Variants in CPLX2 observed in about 807,000 individuals in gnomAD.
CPLX2 encodes complexin 2, also known as complexin-2.
In CPLX2, 5 loss-of-function variants were observed where a neutral mutation model predicts 16.3. The ratio of observed to expected loss-of-function variants is 0.31; its 90% CI spans 0.16 to 0.64. The LOEUF is 0.64. CPLX2 is among the 30% of genes least tolerant of loss of function. CPLX2 has a pLI of 0.79. For missense variants in CPLX2, 144 were observed against 181.4 expected, an observed-to-expected ratio of 0.79 and a Z score of 1.18; for synonymous variants, 89 against 73.2, an observed-to-expected ratio of 1.22 and a Z score of -1.10.
upstream of CPLX2, among the ~76,000 whole-genome samples, chr5:175,868,589 G>A (rs1759521272): frequency 6.6e-6 from 1 of 152,124 alleles, no homozygotes; most frequent in African/African-American, 2.4e-5. Flanking sequence ...AAGAACCTGC[G>A]GCTGGGCCTG....
At chr5:175,823,129 A>G (rs533164267) in intron 2 of CPLX2, among the ~76,000 whole-genome samples, 1 of 152,154 alleles carries the variant, frequency 6.6e-6, no homozygotes, top group Middle Eastern at 3.4e-3. Context: ...CTATTATCAT[A>G]TTTTTCGTGT....
At chr5:175,820,694 C>T (rs148260655) in intron 2 of CPLX2, among the ~76,000 whole-genome samples, 10 of 152,340 alleles carry the variant, frequency 6.6e-5, no homozygotes, top group Non-Finnish European at 1.3e-4. Context: ...CTGTCTCACC[C>T]GCCCTGTCCT....
intron 2 of CPLX2, among the ~76,000 whole-genome samples, chr5:175,859,075 A>G (rs1759314430): frequency 6.6e-6 from 1 of 152,202 alleles, no homozygotes; most frequent in African/African-American, 2.4e-5. Context: ...TCCTCCAACT[A>G]CAGCCTGGCA....
intron 2 of CPLX2, among the ~76,000 whole-genome samples, chr5:175,839,302 T>C (rs1758904167): frequency 2.0e-5 from 3 of 152,202 alleles, no homozygotes; most frequent in Non-Finnish European, 2.9e-5. Context: ...GTTTGTTTTT[T>C]TGAGAAGGAG....
intron 1 of CPLX2, among the ~76,000 whole-genome samples, chr5:175,807,614 G>A (rs553268957): frequency 1.3e-5 from 2 of 152,366 alleles, no homozygotes; most frequent in Admixed American, 1.3e-4. Flanking sequence ...CCTGAGAGCA[G>A]GGATCATGCC....
At chr5:175,874,639 C>T (rs1445962933) in intron 1 of CPLX2, among the ~76,000 whole-genome samples, 4 of 151,924 alleles carry the variant, frequency 2.6e-5, no homozygotes, top group Non-Finnish European at 5.9e-5. Flanking sequence ...CAGGATGAGA[C>T]TGATCTTTGG....
intron 2 of CPLX2, among the ~76,000 whole-genome samples, chr5:175,816,919 C>T (rs1000967926): frequency 3.3e-5 from 5 of 152,224 alleles, no homozygotes; most frequent in African/African-American, 1.2e-4. Flanking sequence ...AAATAGAGGT[C>T]AAATGCCAAT....
chr5:175,829,882 G>T (rs2113656006), intron 2 of CPLX2, among the ~76,000 whole-genome samples: 1 of 152,322 alleles, frequency 6.6e-6, no homozygotes, highest in East Asian at 1.9e-4. Flanking sequence ...GAATTCACAA[G>T]GATGCGGGGT....
intron 2 of CPLX2, among the ~76,000 whole-genome samples, chr5:175,813,487 AAAAAC>A (rs1200198564): frequency 6.6e-6 from 1 of 152,338 alleles, no homozygotes; most frequent in African/African-American, 2.4e-5. Flanking sequence ...ACCATGCTCA[AAAAAC>A]AAAACAAAAC....
chr5:175,802,743 C>A (rs1758122968), intron 1 of CPLX2, among the ~76,000 whole-genome samples: 1 of 152,226 alleles, frequency 6.6e-6, no homozygotes, highest in South Asian at 2.1e-4. Context: ...GGGGGTAATA[C>A]CGCCAGGGCC....
intron 1 of CPLX2, among the ~76,000 whole-genome samples, chr5:175,802,438 G>A (rs185482037): frequency 4.6e-5 from 7 of 152,322 alleles, no homozygotes; most frequent in South Asian, 2.1e-4. Context: ...TTGCCAATGC[G>A]GAGAAAATGT....
chr5:175,858,032 T>C (rs555058429), intron 2 of CPLX2, among the ~76,000 whole-genome samples: 1 of 152,184 alleles, frequency 6.6e-6, no homozygotes, highest in African/African-American at 2.4e-5. Context: ...AGTGTCAACA[T>C]CCCACTTTGC....
upstream of CPLX2, among the ~76,000 whole-genome samples, chr5:175,870,754 A>G (rs1286628481): frequency 6.6e-6 from 1 of 152,140 alleles, no homozygotes; most frequent in Non-Finnish European, 1.5e-5. Context: ...TCTAGAATAA[A>G]TTTTGCCAGA....
At chr5:175,860,671 G>A (rs934581155) in intron 2 of CPLX2, among the ~76,000 whole-genome samples, 20 of 151,506 alleles carry the variant, frequency 1.3e-4, no homozygotes, top group Non-Finnish European at 2.5e-4. Flanking sequence ...TCCAGCTAAA[G>A]TCCCAGGGCT....
chr5:175,796,803 C>T (rs1169173717), intron 1 of CPLX2: 2 of 152,360 alleles, frequency 1.3e-5, no homozygotes, highest in African/African-American at 4.8e-5. Context: ...AACGCGCGCT[C>T]GCTCCCTGTG....
chr5:175,834,150 T>C (rs563214413), intron 2 of CPLX2, among the ~76,000 whole-genome samples: 25 of 152,362 alleles, frequency 1.6e-4, no homozygotes, highest in Admixed American at 7.8e-4. Flanking sequence ...CTGCCACTGA[T>C]GTAGCTTGGC....
intron 2 of CPLX2, among the ~76,000 whole-genome samples, chr5:175,846,995 C>T (rs898703747): frequency 3.3e-5 from 5 of 152,272 alleles, no homozygotes; most frequent in African/African-American, 1.2e-4. Flanking sequence ...ATATGTAGTG[C>T]AGGGAGGCTA....
upstream of CPLX2, among the ~76,000 whole-genome samples, chr5:175,871,261 C>T (rs1465122304): frequency 7.0e-6 from 1 of 142,756 alleles, no homozygotes; most frequent in African/African-American, 2.6e-5. Flanking sequence ...GGGGCGTCTG[C>T]GAGGGGGAGG....
chr5:175,879,756 G>A (rs1438941109), intron 3 of CPLX2, 92 bp from the exon 4 acceptor site: 2 of 1,247,686 alleles, frequency 1.6e-6, no homozygotes. Flanking sequence ...AGGCACTCCT[G>A]GCCACCTCAG....
Sources: gnomAD v4.1 joint callset for allele counts (sites outside exome capture counted in the v4.1 genomes callset) on GRCh38, gnomAD v4.1.1 for gene constraint, MANE v1.5 for transcripts, NCBI Gene and HGNC (gene_info 2026-07-23, HGNC 2026-07-21) for gene names.